MCM6: variants seen among roughly 807,000 people sequenced by gnomAD.
The protein encoded by MCM6 is DNA replication licensing factor MCM6.
In MCM6, 46 loss-of-function variants were observed where a neutral mutation model predicts 94.3. The observed-to-expected ratio is 0.49, with a 90% CI of 0.39 to 0.62. The LOEUF is 0.62. Among genes scored for constraint, MCM6 ranks in the 20% least tolerant of loss-of-function variants. MCM6 has a pLI of 0.00. For missense variants in MCM6, 865 were observed against 1,017.9 expected, an observed-to-expected ratio of 0.85 and a Z score of 2.04; for synonymous variants, 335 against 351.9, an observed-to-expected ratio of 0.95 and a Z score of 0.54.
rs1679802191 is a variant in MCM6 at position 135,852,850 on chromosome 2, A to T, written c.1692T>A (p.Asp564Glu). 6.2e-7 allele frequency: 1 copy of T among 1,611,264 alleles called. No homozygotes were observed. Among genetic ancestry groups the T allele is most frequent in the African/African-American group, 1.3e-5 (1 of 74,808 alleles). Residue 564 changes from aspartate (D) to glutamate (E), a missense_variant, in exon 12 of 17, where the codon GAT becomes GAA. Around this residue, in one of 3 missense-constraint regions of MCM6, gnomAD observed 308 missense variants for 324.5 expected, o/e 0.95. Coordinates refer to ENST00000264156, the MANE Select transcript of MCM6 (RefSeq NM_005915.6). Reference protein sequence around the residue: ...DLHSRIEESIDRVYSLDDIRR... With the variant: ...DLHSRIEESIERVYSLDDIRR... The stretch of plus-strand genomic sequence containing the variant: ...TGATATCATCGAGGGAATAGACACG[A>T]TCAATTGATTCCTCAATTCTTGAAT...
intron 15 of MCM6, among the ~76,000 whole-genome samples, chr2:135,845,431 G>A (rs921041988): frequency 2.6e-5 from 4 of 152,186 alleles, no homozygotes; most frequent in Admixed American, 6.5e-5. Flanking sequence ...TGTGTGAGAC[G>A]CGAATGAGGA....
intron 3 of MCM6, among the ~76,000 whole-genome samples, chr2:135,869,784 C>A (rs555599985): frequency 6.6e-6 from 1 of 152,180 alleles, no homozygotes; most frequent in East Asian, 1.9e-4. Flanking sequence ...CCCTAAAAGG[C>A]GCCCTAAAAT....
rs368811703 is a variant in MCM6, at chr2:135,862,676, G to T, written c.1151C>A (p.Thr384Asn). Residue 384 changes from threonine to asparagine, a missense_variant, in exon 8 of 17, where the codon ACC becomes AAC. Around this residue, in one of 3 missense-constraint regions of MCM6, gnomAD observed 153 missense variants for 241.5 expected, o/e 0.63. Coordinates refer to ENST00000264156, the MANE Select transcript of MCM6 (RefSeq NM_005915.6). ...AACATTTATGTCCCCTCGAAGAGAG[G>T]TCCCTTCTCCTGTTGTCTTTGGAAC... ...GGVPKTTGEG[T>N]SLRGDINVCI... The T allele has an allele frequency of 1.2e-6, 2 of 1,614,012 alleles. No individual in the cohort carries two copies. Among genetic ancestry groups the T allele is most frequent in the South Asian group, 1.1e-5 (1 of 91,092 alleles).
At chr2:135,850,542 C>A (rs1370711240) in intron 13 of MCM6, among the ~76,000 whole-genome samples, 1 of 152,008 alleles carries the variant, frequency 6.6e-6, no homozygotes, top group East Asian at 1.9e-4. Flanking sequence ...TATTAAATAA[C>A]CTAGTGTGAA....
chr2:135,844,048 C>T (rs4988271), intron 16 of MCM6, among the ~76,000 whole-genome samples: 3 of 150,932 alleles, frequency 2.0e-5, no homozygotes, highest in Non-Finnish European at 2.9e-5. Context: ...TTCTGGTCAT[C>T]GATTTAAATA....
chr2:135,859,611 CT>C (rs560217201), intron 8 of MCM6, among the ~76,000 whole-genome samples, 169 bp from the exon 9 acceptor site: 137 of 144,270 alleles, frequency 9.5e-4, no homozygotes, highest in Middle Eastern at 3.5e-3. Context: ...CTCGGCTTTT[CT>C]TTTTTTTTTT....
rs760406422 is a variant in MCM6, at chr2:135,856,731, A to G, written c.1623T>C (p.Asn541=). Residue 541 remains asparagine (N), a synonymous_variant, in exon 11 of 17, where the codon AAT becomes AAC. Transcript: ENST00000264156. ...DLFFILVDEC[N]EVTDYAIARR... The stretch of plus-strand genomic sequence containing the variant: ...AAAAGGAAGCTCATGGGGTTACCTC[A>G]TTACATTCATCCACAAGGATAAAGA... 14 of 1,613,910 alleles carry G rather than the reference A, an allele frequency of 8.7e-6. No individual in the cohort carries two copies. The highest frequency in any genetic ancestry group is 4.0e-5 in the African/African-American group (3 of 74,942).
chr2:135,849,472 T>A (rs990670638), intron 13 of MCM6, among the ~76,000 whole-genome samples: 1 of 152,212 alleles, frequency 6.6e-6, no homozygotes, highest in Non-Finnish European at 1.5e-5. Context: ...AAATCATAGA[T>A]GTTTTCAATT....
intron 8 of MCM6, among the ~76,000 whole-genome samples, chr2:135,860,721 GT>G (rs1228811335): frequency 6.6e-6 from 1 of 152,148 alleles, no homozygotes; most frequent in East Asian, 1.9e-4. Flanking sequence ...CTAATAAAGG[GT>G]TTTTTCTTTA....
chr2:135,851,377 CATCAT>C lies in MCM6; in HGVS notation c.1917+20_1917+24del. 6.3e-7 allele frequency: 1 copy of C among 1,593,588 alleles called. No homozygotes were observed. The highest frequency in any genetic ancestry group is 8.6e-7 in the Non-Finnish European group (1 of 1,164,400). On this transcript the variant is annotated intron_variant, in intron 13 of 16. Transcript: ENST00000264156. ...CAACAAATCTGTTTATCTCTGCTCT[CATCAT>C]ATCAAAGTGACTCTGATACCTCATC... is the stretch of plus-strand genomic sequence containing the variant.
intron 3 of MCM6, among the ~76,000 whole-genome samples, chr2:135,869,580 A>G (rs891131135): frequency 3.2e-4 from 49 of 152,256 alleles, no homozygotes; most frequent in African/African-American, 1.2e-3. Context: ...TATGTGAAGT[A>G]ATTTGGTAAT....
At position 135,868,791 on chromosome 2, in the gene MCM6, G is replaced by A; in HGVS notation, c.435C>T (p.His145=). Residue 145 remains histidine, a synonymous_variant, in exon 4 of 17, where the codon CAC becomes CAT. Coordinates refer to ENST00000264156, the MANE Select transcript of MCM6 (RefSeq NM_005915.6). The part of the protein sequence containing the change: ...TRISGQVVRT[H]PVHPELVSGT... ...CGCTCACAAGCTCTGGGTGAACTGG[G>A]TGAGTCCGCACCACCTGCCCACTGA... The A allele has an allele frequency of 4.3e-6, 7 of 1,614,178 alleles. No individual in the cohort carries two copies. The highest frequency in any genetic ancestry group is 5.9e-6 in the Non-Finnish European group (7 of 1,180,044).
chr2:135,855,742 C>T (rs1031707760), intron 11 of MCM6, among the ~76,000 whole-genome samples: 1 of 152,038 alleles, frequency 6.6e-6, no homozygotes, highest in Non-Finnish European at 1.5e-5. Flanking sequence ...TTTAAAGTTC[C>T]ACTGTAACAA....
At chr2:135,849,736 G>A (rs970075981) in intron 13 of MCM6, among the ~76,000 whole-genome samples, 2 of 152,086 alleles carry the variant, frequency 1.3e-5, no homozygotes, top group African/African-American at 2.4e-5. Flanking sequence ...TATAATTAAG[G>A]CATGCCAAAC....
intron 4 of MCM6, among the ~76,000 whole-genome samples, chr2:135,868,021 T>C (rs532305998): frequency 5.3e-5 from 8 of 151,572 alleles, no homozygotes; most frequent in African/African-American, 1.9e-4. Flanking sequence ...AGAGAGACTG[T>C]CTCAAAAAAA....
intron 12 of MCM6, 72 bp from the exon 13 acceptor site, chr2:135,851,635 G>C: frequency 7.5e-7 from 1 of 1,336,760 alleles, no homozygotes; most frequent in Non-Finnish European, 9.8e-7. Context: ...CTAAGTTTAA[G>C]AGCCTTCCAG....
chr2:135,872,502 G>A (rs893426001), intron 2 of MCM6, among the ~76,000 whole-genome samples, 195 bp downstream of exon 2: 6 of 151,800 alleles, frequency 4.0e-5, no homozygotes, highest in Admixed American at 6.6e-5. Context: ...AAAAACGTTC[G>A]GCTCTACAAA....
In MCM6 at chr2:135,864,920, A is replaced by G. The variant is rs553123553; in HGVS notation, c.1078+93T>C. ...TTTCAGACCCACTAAAAACTTTCAC[A>G]GTCTGATTTATGTGCTTTCAGAAAT... On this transcript the variant is annotated intron_variant, in intron 7 of 16. Transcript: ENST00000264156. 1.1e-4 allele frequency: 108 copies of G among 1,019,844 alleles called. No individual in the cohort carries two copies. The African/African-American group carries it at 1.6e-3, about 15-fold the overall frequency. 63.2% of individuals were successfully genotyped at this position (1,019,844 alleles called of 1,614,324 possible).
intron 1 of MCM6, among the ~76,000 whole-genome samples, chr2:135,874,794 G>A (rs905823351): frequency 1.3e-5 from 2 of 152,108 alleles, no homozygotes; most frequent in Non-Finnish European, 2.9e-5. Context: ...CTGGTCCCAA[G>A]CGTTTCAGAA....
Sources: allele counts gnomAD v4.1 joint callset (sites outside exome capture counted in the v4.1 genomes callset), GRCh38; gene constraint gnomAD v4.1.1; regional missense constraint gnomAD v4.1.1; transcripts MANE v1.5; gene names NCBI Gene and HGNC (gene_info 2026-07-23, HGNC 2026-07-21).